Variants in PM20D1 observed in about 807,000 individuals in gnomAD.
The protein encoded by PM20D1 is peptidase M20 domain containing 1, also known as N-fatty-acyl-amino acid synthase/hydrolase PM20D1.
In PM20D1, 53 loss-of-function variants were observed where a neutral mutation model predicts 53.8. That is an observed-to-expected ratio of 0.98 (90% confidence interval 0.79 to 1.24). PM20D1 has a LOEUF of 1.24. PM20D1 is among the 50% of genes most tolerant of loss of function. The pLI is 0.00. For missense variants in PM20D1, 564 were observed against 616.8 expected (o/e 0.91, Z 0.91); for synonymous variants, 239 against 241.3 (o/e 0.99, Z 0.09).
Position 205,845,537 on chromosome 1 carries a change from T to A in PM20D1, c.277A>T (p.Thr93Ser). ...IHKVFPTVVS[T>S]SFIQHEVVEE... ...ACGACTTCATGCTGGATAAAGCTGG[T>A]GCTGACCACTGTAGGAAAGACTAGA... The change falls in exon 3 of 13, where the codon ACC becomes TCC. Residue 93 changes from threonine (T) to serine (S), a missense_variant. Coordinates refer to ENST00000367136, the MANE Select transcript of PM20D1 (RefSeq NM_152491.5). The A allele has an allele frequency of 6.2e-7, 1 of 1,614,156 alleles. No homozygotes were observed. The highest frequency in any genetic ancestry group is 8.5e-7 in the Non-Finnish European group (1 of 1,179,994).
rs922616910 is a variant in PM20D1, at chr1:205,828,407, G to A, written c.*213C>T. 4 of 557,802 alleles carry A rather than the reference G, an allele frequency of 7.2e-6. No homozygotes were observed. Among genetic ancestry groups the A allele is most frequent in the African/African-American group, 1.9e-5 (1 of 52,730 alleles). 34.6% of individuals were successfully genotyped at this position (557,802 alleles called of 1,614,324 possible). A position where few individuals can be genotyped will look rare whatever the true frequency, so the allele number is the denominator to read the frequency against. Reference sequence around the variant, plus strand: ...AGGGCAGCAAATGCCAGTGGATCAAGGGATGCAGATGTCGGGAGGAAGGGA... The same window carrying A: ...AGGGCAGCAAATGCCAGTGGATCAAAGGATGCAGATGTCGGGAGGAAGGGA... On this transcript the variant is annotated 3_prime_UTR_variant, in exon 13 of 13. Transcript: ENST00000367136.
At chr1:205,836,756 G>C (rs776953481) in intron 10 of PM20D1, among the ~76,000 whole-genome samples, 88 of 152,242 alleles carry the variant, frequency 5.8e-4, no homozygotes, top group Non-Finnish European at 1.2e-3. Flanking sequence ...TCTGGCCTCA[G>C]CCTCCCAAAG....
intron 6 of PM20D1, 101 bp from the exon 7 acceptor site, chr1:205,842,852 T>C: frequency 1.0e-6 from 1 of 1,000,510 alleles, no homozygotes; most frequent in South Asian, 1.3e-5. Context: ...TCAACGCTCC[T>C]GGCCAAGAGG....
chr1:205,830,353 G>C lies in PM20D1; in HGVS notation c.1312C>G (p.Arg438Gly). The C allele has an allele frequency of 1.9e-6, 3 of 1,612,128 alleles. No individual in the cohort carries two copies. The highest frequency in any genetic ancestry group is 2.5e-6 in the Non-Finnish European group (3 of 1,178,266). ...CCAGTGGTGAGGTTTGTAAAGAATC[G>C]GCTGTCTGTGTTGCCAATAGAAGTA... The part of the protein sequence containing the change: ...PVTSIGNTDS[R>G]FFTNLTTGIY... Residue 438 changes from arginine to glycine, a missense_variant, in exon 12 of 13, where the codon CGA becomes GGA. Physicochemically the swap from Arg to Gly is moderately radical, Grantham distance 125 (BLOSUM62 -2). Transcript: ENST00000367136.
chr1:205,845,573 G>A lies in PM20D1; in HGVS notation c.257-16C>T. On this transcript the variant is annotated splice_polypyrimidine_tract_variant and intron_variant, in intron 2 of 12. Coordinates refer to ENST00000367136, the MANE Select transcript of PM20D1 (RefSeq NM_152491.5). Reference sequence around the variant, plus strand: ...GTAGGAAAGACTAGAAGCAAAAAGGGCAGGAAGAGAGAACCAGGGTTAACA... The same window carrying A: ...GTAGGAAAGACTAGAAGCAAAAAGGACAGGAAGAGAGAACCAGGGTTAACA... 1.3e-6 allele frequency: 2 copies of A among 1,599,972 alleles called. No individual in the cohort carries two copies. The highest frequency in any genetic ancestry group is 2.2e-5 in the South Asian group (2 of 90,752).
intron 11 of PM20D1, among the ~76,000 whole-genome samples, chr1:205,832,317 G>GA (rs1194109037): frequency 6.6e-6 from 1 of 152,190 alleles, no homozygotes; most frequent in Non-Finnish European, 1.5e-5. Flanking sequence ...TCCTAGAGAG[G>GA]AGGGAGTAGT....
rs202129150 is a variant in PM20D1, at chr1:205,844,768, C to T, written c.576+43G>A. On this transcript the variant is annotated intron_variant, in intron 4 of 12. Coordinates refer to ENST00000367136, the MANE Select transcript of PM20D1 (RefSeq NM_152491.5). ...AGGGTTAAGCACCCACTCCCCTACC[C>T]TCAACAGAGGACAGAGATAGGTATA... 1.0e-5 allele frequency: 16 copies of T among 1,583,828 alleles called. No homozygotes were observed. In the African/African-American group the frequency reaches 1.3e-4, roughly 13 times the overall value.
chr1:205,828,992 CTCCTGCTCTGAAA>C (rs375980665), intron 12 of PM20D1, among the ~76,000 whole-genome samples: 48 of 152,272 alleles, frequency 3.2e-4, no homozygotes, highest in African/African-American at 1.2e-3. Flanking sequence ...CCAAAATAAT[CTCCTGCTCTGAAA>C]TCCATTCAAT....
chr1:205,844,464 G>A (rs933991485), intron 4 of PM20D1, among the ~76,000 whole-genome samples: 5 of 152,178 alleles, frequency 3.3e-5, no homozygotes, highest in Non-Finnish European at 5.9e-5. Context: ...GACTTGCCCA[G>A]GGTCTAAGTA....
At chr1:205,842,612 G>C in intron 7 of PM20D1, 64 bp downstream of exon 7, 1 of 1,523,166 alleles carries the variant, frequency 6.6e-7, no homozygotes, top group Non-Finnish European at 9.1e-7. Context: ...TTACTCTAAA[G>C]GTTACTTTTC....
chr1:205,828,617 A>C lies in PM20D1; in HGVS notation c.*3T>G. 6.2e-7 allele frequency: 1 copy of C among 1,614,100 alleles called. No homozygotes were observed. Among genetic ancestry groups the C allele is most frequent in the Non-Finnish European group, 8.5e-7 (1 of 1,180,010 alleles). On this transcript the variant is annotated 3_prime_UTR_variant, in exon 13 of 13. Transcript: ENST00000367136. ...CATGCCTAACCCAGCAGGCCCCTTGACCTCACAGTTTGTGCAGGTGAGAAA... is the reference window on the plus strand; with the variant it reads ...CATGCCTAACCCAGCAGGCCCCTTGCCCTCACAGTTTGTGCAGGTGAGAAA...
chr1:205,845,561 G>A lies in PM20D1; in HGVS notation c.257-4C>T, dbSNP rs1177554409. 2 of 1,607,254 alleles carry A rather than the reference G, an allele frequency of 1.2e-6. No homozygotes were observed. Among genetic ancestry groups the A allele is most frequent in the South Asian group, 1.1e-5 (1 of 90,382 alleles). On this transcript the variant is annotated splice_region_variant and splice_polypyrimidine_tract_variant and intron_variant, in intron 2 of 12. Coordinates refer to ENST00000367136, the MANE Select transcript of PM20D1 (RefSeq NM_152491.5). ...GTGCTGACCACTGTAGGAAAGACTA[G>A]AAGCAAAAAGGGCAGGAAGAGAGAA... is the stretch of plus-strand genomic sequence containing the variant.
At chr1:205,839,940 AAAGG>A (rs1656768500) in intron 10 of PM20D1, among the ~76,000 whole-genome samples, 4 of 130,544 alleles carry the variant, frequency 3.1e-5, no homozygotes, top group African/African-American at 1.1e-4. Flanking sequence ...AAAAAAAAAG[AAAGG>A]AAGAAAGGTG....
chr1:205,832,763 G>A lies in PM20D1; in HGVS notation c.1120C>T (p.Leu374=), dbSNP rs1195280575. 6 of 1,585,586 alleles carry A rather than the reference G, an allele frequency of 3.8e-6. No homozygotes were observed. The change falls in exon 11 of 13, where the codon CTA becomes TTA. Residue 374 remains leucine, a synonymous_variant. Coordinates refer to ENST00000367136, the MANE Select transcript of PM20D1 (RefSeq NM_152491.5). ...GCCACAATGTTCTTCGTGAGTTCTA[G>A]GACCTCCAGGGTAGAAACAAAGGGG... ...IHPGQTVQEV[L]ELTKNIVADN...
At chr1:205,836,525 T>G (rs1656691435) in intron 10 of PM20D1, among the ~76,000 whole-genome samples, 1 of 152,192 alleles carries the variant, frequency 6.6e-6, no homozygotes, top group Non-Finnish European at 1.5e-5. Flanking sequence ...TCTCCTTTTT[T>G]GAGACAGTGT....
intron 9 of PM20D1, 111 bp downstream of exon 9, chr1:205,841,700 G>T: frequency 8.8e-7 from 1 of 1,138,392 alleles, no homozygotes; most frequent in Non-Finnish European, 1.3e-6. Context: ...GGCTAGGCTT[G>T]GATCCAGCTG....
At chr1:205,837,161 G>C (rs1656702629) in intron 10 of PM20D1, among the ~76,000 whole-genome samples, 1 of 152,166 alleles carries the variant, frequency 6.6e-6, no homozygotes, top group Non-Finnish European at 1.5e-5. Context: ...TGTCTGTCTT[G>C]TTCACCATTC....
intron 9 of PM20D1, among the ~76,000 whole-genome samples, 181 bp downstream of exon 9, chr1:205,841,630 G>C (rs912437200): frequency 2.0e-5 from 3 of 152,144 alleles, no homozygotes; most frequent in African/African-American, 7.2e-5. Flanking sequence ...TGGTGGTACT[G>C]GCAGTTACAA....
chr1:205,840,384 C>T lies in PM20D1; in HGVS notation c.1045-61G>A, dbSNP rs575532866. 1.1e-5 allele frequency: 17 copies of T among 1,484,474 alleles called. No homozygotes were observed. The African/African-American group carries it at 2.2e-4, about 19-fold the overall frequency. The allele number at this position is 1,484,474 out of a possible 1,614,324, so 92.0% of individuals were successfully genotyped here. Reference sequence around the variant, plus strand: ...ACCTCAAATCTTCTACATCTGCCTGCCCAGGAAATGCTAATTTCCTCAGCT... The same window carrying T: ...ACCTCAAATCTTCTACATCTGCCTGTCCAGGAAATGCTAATTTCCTCAGCT... On this transcript the variant is annotated intron_variant, in intron 9 of 12. Coordinates refer to ENST00000367136, the MANE Select transcript of PM20D1 (RefSeq NM_152491.5).
Sources: gnomAD v4.1 joint callset for allele counts (sites outside exome capture counted in the v4.1 genomes callset) on GRCh38, gnomAD v4.1.1 for gene constraint, MANE v1.5 for transcripts, NCBI Gene and HGNC (gene_info 2026-07-23, HGNC 2026-07-21) for gene names.